The following PLA2G6 variants were observed in gnomAD, a reference collection of about 807,000 sequenced individuals.
PLA2G6 encodes the protein 85/88 kDa calcium-independent phospholipase A2.
In PLA2G6, 62 loss-of-function variants were observed where a neutral mutation model predicts 83.8. The ratio of observed to expected loss-of-function variants is 0.74; its 90% CI spans 0.60 to 0.91. The LOEUF (loss-of-function observed/expected upper bound fraction) is 0.91, where lower values mean the gene tolerates loss of function less well. PLA2G6 is among the 40% of genes least tolerant of loss of function. The pLI is 0.00. For synonymous variants in PLA2G6, 417 were observed against 449.8 expected (o/e 0.93, Z 0.92); for missense variants, 944 against 1,102.0 (o/e 0.86, Z 2.03).
At chr22:38,145,269 TCCTC>T (rs2089179897) in intron 3 of PLA2G6, 165 bp downstream of exon 3, 1 of 687,434 alleles carries the variant, frequency 1.5e-6, no homozygotes, top group Admixed American at 2.1e-5. Flanking sequence ...TCTCAAGTGA[TCCTC>T]CCTCCTCAGC....
chr22:38,159,112 A>G (rs1257721351), intron 2 of PLA2G6, among the ~76,000 whole-genome samples: 1 of 152,170 alleles, frequency 6.6e-6, no homozygotes, highest in African/African-American at 2.4e-5. Context: ...AAAATAAACA[A>G]AGCCAAAAGT....
At chr22:38,146,067 A>G (rs4821749) in intron 2 of PLA2G6, 84,147 of 256,218 alleles carry the variant, frequency 0.33, 14,648 homozygotes, top group Admixed American at 0.4. Context: ...ATAGAGTCTC[A>G]TTTTGTCACC....
intron 1 of PLA2G6, among the ~76,000 whole-genome samples, chr22:38,178,099 A>C (rs2090705583): frequency 2.0e-5 from 3 of 152,206 alleles, no homozygotes; most frequent in African/African-American, 2.4e-5. Flanking sequence ...CACAGCTGGA[A>C]GCAAACTGCC....
chr22:38,115,522 C>A lies in PLA2G6; in HGVS notation c.2034+5G>T. On this transcript the variant is annotated splice_donor_5th_base_variant and intron_variant, in intron 14 of 16. Transcript: ENST00000332509. ...GGTCCAGGCCCTCTGGCCTACGGCA[C>A]TCACCTTGCGGATCAGGTCCTGATT... The A allele has an allele frequency of 6.2e-7, 1 of 1,612,730 alleles. No homozygotes were observed. The highest frequency in any genetic ancestry group is 8.5e-7 in the Non-Finnish European group (1 of 1,179,460).
chr22:38,141,159 A>G (rs1169255765), intron 4 of PLA2G6: 1 of 151,264 alleles, frequency 6.6e-6, no homozygotes, highest in Non-Finnish European at 1.5e-5. Context: ...GCGCCACTGC[A>G]CTCCAGCCTG....
At chr22:38,167,967 C>G (rs2090285749) in intron 2 of PLA2G6, 1 of 169,668 alleles carries the variant, frequency 5.9e-6, no homozygotes, top group African/African-American at 2.4e-5. Context: ...CTCCACACTT[C>G]TGCACGGCTG....
At chr22:38,174,603 C>T (rs969508260) in intron 1 of PLA2G6, among the ~76,000 whole-genome samples, 2 of 152,102 alleles carry the variant, frequency 1.3e-5, no homozygotes, top group African/African-American at 2.4e-5. Context: ...AAGGGGATGA[C>T]TTTTTAGCTG....
intron 12 of PLA2G6, among the ~76,000 whole-genome samples, 161 bp downstream of exon 12, chr22:38,120,598 A>C (rs1048589506): frequency 4.6e-5 from 7 of 152,126 alleles, no homozygotes; most frequent in Admixed American, 4.6e-4. Context: ...AGTGAGAGCC[A>C]CACCCCAGCC....
rs2086881495 is a variant in PLA2G6, at chr22:38,111,731, A to AGCAGAGG, written c.*423_*429dup. ...TTTAGTCCCAGCCCCCAGGGAACGG[A>AGCAGAGG]GCAGAGGGCAGAGGGAGTGGGCTGC... On this transcript the variant is annotated 3_prime_UTR_variant, in exon 17 of 17. Coordinates refer to ENST00000332509, the MANE Select transcript of PLA2G6 (RefSeq NM_003560.4). 1 of 284,440 alleles carries AGCAGAGG rather than the reference A, an allele frequency of 3.5e-6. No homozygotes were observed. Among genetic ancestry groups the AGCAGAGG allele is most frequent in the African/African-American group, 2.2e-5 (1 of 45,462 alleles). The allele number at this position is 284,440 out of a possible 1,614,324, so 17.6% of individuals were successfully genotyped here.
chr22:38,172,478 C>T (rs1329571014), intron 1 of PLA2G6, among the ~76,000 whole-genome samples: 2 of 152,236 alleles, frequency 1.3e-5, no homozygotes, highest in Non-Finnish European at 2.9e-5. Context: ...TGACAGAAAA[C>T]ATGCCATTGA....
intron 2 of PLA2G6, among the ~76,000 whole-genome samples, chr22:38,152,942 G>C (rs2089627483): frequency 6.6e-6 from 1 of 152,114 alleles, no homozygotes; most frequent in South Asian, 2.1e-4. Context: ...AATGCACATA[G>C]GTATAGGAAG....
At chr22:38,170,631 C>T (rs2090402302) in intron 1 of PLA2G6, among the ~76,000 whole-genome samples, 1 of 152,144 alleles carries the variant, frequency 6.6e-6, no homozygotes, top group Non-Finnish European at 1.5e-5. Flanking sequence ...GGTACTGTCA[C>T]CAAAGCCAGG....
intron 2 of PLA2G6, chr22:38,146,257 G>A (rs781029230): frequency 6.3e-6 from 1 of 158,198 alleles, no homozygotes; most frequent in Non-Finnish European, 1.4e-5. Flanking sequence ...GGCTGGTCTC[G>A]AACTCCTGAG....
intron 4 of PLA2G6, 98 bp downstream of exon 4, chr22:38,143,007 G>A: frequency 3.6e-6 from 4 of 1,110,152 alleles, no homozygotes; most frequent in Non-Finnish European, 5.5e-6. Context: ...GGGGGACAGT[G>A]AGAGGCCTGA....
rs2088071014 is a variant in PLA2G6 at position 38,129,426 on chromosome 22, C to A, written c.1186+28G>T. ...CTGTATCCACCCAACCCTCACCCCA[C>A]TCCAGCCCCAGAGTGCAGAGCACAT... On this transcript the variant is annotated intron_variant, in intron 8 of 16. Transcript: ENST00000332509. 13 of 1,493,826 alleles carry A rather than the reference C, an allele frequency of 8.7e-6. No individual in the cohort carries two copies. The East Asian group carries it at 2.3e-4, about 26-fold the overall frequency. 92.5% of individuals were successfully genotyped at this position (1,493,826 alleles called of 1,614,324 possible).
At chr22:38,180,961 G>A (rs1369563649) in intron 1 of PLA2G6, among the ~76,000 whole-genome samples, 1 of 152,204 alleles carries the variant, frequency 6.6e-6, no homozygotes. Flanking sequence ...GCGGGTAAGA[G>A]GCAGGTGAGG....
intron 2 of PLA2G6, among the ~76,000 whole-genome samples, chr22:38,161,320 G>A (rs1205880153): frequency 6.6e-6 from 1 of 152,018 alleles, no homozygotes; most frequent in Non-Finnish European, 1.5e-5. Flanking sequence ...GTTTGCAGAT[G>A]GCTATCTTCT....
intron 10 of PLA2G6, chr22:38,125,726 G>A: frequency 2.1e-6 from 1 of 470,656 alleles, no homozygotes; most frequent in Non-Finnish European, 4.4e-6. Flanking sequence ...TCCCTGGGAA[G>A]GCTATTAGGA....
intron 1 of PLA2G6, among the ~76,000 whole-genome samples, chr22:38,169,928 T>G (rs2090370798): frequency 6.6e-6 from 1 of 152,194 alleles, no homozygotes; most frequent in Admixed American, 6.5e-5. Context: ...CCAGACACAG[T>G]GGCTCAGGCA....
Sources: allele counts gnomAD v4.1 joint callset (sites outside exome capture counted in the v4.1 genomes callset), GRCh38; gene constraint gnomAD v4.1.1; transcripts MANE v1.5; gene names NCBI Gene and HGNC (gene_info 2026-07-23, HGNC 2026-07-21).